The following SMAP1 variants were observed in gnomAD, a reference collection of about 807,000 sequenced individuals.
SMAP1 encodes the protein stromal membrane-associated protein 1.
Under a neutral mutation model 58.5 loss-of-function variants are expected in SMAP1, and 24 were observed. The ratio of observed to expected loss-of-function variants is 0.41; its 90% CI spans 0.30 to 0.58. The LOEUF is 0.58. Among genes scored for constraint, SMAP1 ranks in the 20% least tolerant of loss-of-function variants. SMAP1 has a pLI of 0.29. For missense variants in SMAP1, 563 were observed against 566.3 expected (o/e 0.99, Z 0.06); for synonymous variants, 216 against 196.6 (o/e 1.10, Z -0.82).
At chr6:70,734,293 G>T (rs779694050) in intron 2 of SMAP1, among the ~76,000 whole-genome samples, 1 of 151,988 alleles carries the variant, frequency 6.6e-6, no homozygotes, top group Non-Finnish European at 1.5e-5. Flanking sequence ...TTACAGGTGC[G>T]TGCCACCATG....
intron 1 of SMAP1, among the ~76,000 whole-genome samples, chr6:70,728,683 G>A (rs1562118727): frequency 6.6e-6 from 1 of 152,210 alleles, no homozygotes; most frequent in Non-Finnish European, 1.5e-5. Flanking sequence ...TGTGTCACAT[G>A]CTGTTATGAG....
At chr6:70,755,377 T>C (rs1271745166) in intron 3 of SMAP1, among the ~76,000 whole-genome samples, 1 of 152,002 alleles carries the variant, frequency 6.6e-6, no homozygotes, top group Admixed American at 6.6e-5. Flanking sequence ...GCAGTATGCG[T>C]TTGGTAGAAA....
chr6:70,732,090 C>A (rs1328863696), intron 1 of SMAP1, among the ~76,000 whole-genome samples: 1 of 152,000 alleles, frequency 6.6e-6, no homozygotes, highest in Admixed American at 6.6e-5. Context: ...ATTCCTGATT[C>A]AAATATGCTA....
chr6:70,812,275 G>A (rs1769425059), intron 6 of SMAP1, among the ~76,000 whole-genome samples: 1 of 152,176 alleles, frequency 6.6e-6, no homozygotes, highest in African/African-American at 2.4e-5. Flanking sequence ...ATACACGATC[G>A]AGTGAATCAG....
chr6:70,722,593 C>T (rs1005377788), intron 1 of SMAP1, among the ~76,000 whole-genome samples: 1 of 152,228 alleles, frequency 6.6e-6, no homozygotes, highest in African/African-American at 2.4e-5. Context: ...TCAGGGGACT[C>T]ACAGCCTTCA....
At position 70,759,823 on chromosome 6, in the gene SMAP1, C is replaced by T. The variant is rs747851021; in HGVS notation, c.338+4758C>T. 82 of 433,596 alleles carry T rather than the reference C, an allele frequency of 1.9e-4. 4 individuals are homozygous for T. Among genetic ancestry groups the T allele is most frequent in the South Asian group, 1.2e-3 (75 of 60,168 alleles). 26.9% of individuals were successfully genotyped at this position (433,596 alleles called of 1,614,324 possible). On this transcript the variant is annotated intron_variant, in intron 3 of 10. Coordinates refer to ENST00000370455, the MANE Select transcript of SMAP1 (RefSeq NM_001044305.3). ...ATATTGGTAAATCCTTGACGTTCGACACAGTGAAGATATAATACTGGAAAC... is the reference window on the plus strand; with the variant it reads ...ATATTGGTAAATCCTTGACGTTCGATACAGTGAAGATATAATACTGGAAAC...
At chr6:70,732,610 T>C in intron 2 of SMAP1, 99 bp downstream of exon 2, 1 of 1,110,658 alleles carries the variant, frequency 9.0e-7, no homozygotes. Context: ...AAAAGTAGTT[T>C]TGTATGTTGA....
At chr6:70,807,106 T>A (rs1283475759) in intron 6 of SMAP1, among the ~76,000 whole-genome samples, 2 of 152,248 alleles carry the variant, frequency 1.3e-5, no homozygotes, top group African/African-American at 4.8e-5. Flanking sequence ...CTATGCTAAC[T>A]AGGGAATTAA....
chr6:70,721,891 A>C (rs992687510), intron 1 of SMAP1, among the ~76,000 whole-genome samples: 1 of 152,160 alleles, frequency 6.6e-6, no homozygotes, highest in South Asian at 2.1e-4. Context: ...CCCATGATTC[A>C]ATTACCTTGC....
intron 3 of SMAP1, among the ~76,000 whole-genome samples, chr6:70,766,940 G>C (rs1276090837): frequency 1.3e-5 from 2 of 152,048 alleles, no homozygotes; most frequent in Admixed American, 1.3e-4. Flanking sequence ...GTAAGGAAGG[G>C]ATCCAGTTTC....
intron 3 of SMAP1, among the ~76,000 whole-genome samples, chr6:70,770,479 C>T (rs1582150095): frequency 6.6e-6 from 1 of 152,176 alleles, no homozygotes; most frequent in African/African-American, 2.4e-5. Context: ...AACTTCCCTT[C>T]TCGCTTCATT....
intron 1 of SMAP1, among the ~76,000 whole-genome samples, chr6:70,677,432 CTTTTTT>C (rs58133069): frequency 9.9e-5 from 6 of 60,422 alleles, no homozygotes; most frequent in African/African-American, 4.7e-4. Flanking sequence ...CTTGTCACTT[CTTTTTT>C]TTTTTTTTTT....
intron 1 of SMAP1, among the ~76,000 whole-genome samples, chr6:70,681,094 C>T (rs1028725864): frequency 7.1e-6 from 1 of 141,770 alleles, no homozygotes; most frequent in South Asian, 2.3e-4. Context: ...TGCTAAGGAT[C>T]GGGATGAGGG....
intron 4 of SMAP1, among the ~76,000 whole-genome samples, chr6:70,785,722 G>A (rs10806638): frequency 0.43 from 65,994 of 151,966 alleles, 14,692 homozygotes; most frequent in South Asian, 0.5. Context: ...TAAATTCCTC[G>A]ACACATACAC....
chr6:70,773,430 G>A lies in SMAP1; in HGVS notation c.414+5G>A. On this transcript the variant is annotated splice_donor_5th_base_variant and intron_variant, in intron 4 of 10. Coordinates refer to ENST00000370455, the MANE Select transcript of SMAP1 (RefSeq NM_001044305.3). ...AATGCCATAGCTATTACAAATGTAA[G>A]TAAAACCTTCATCTCTCATCAATTG... 6.7e-7 allele frequency: 1 copy of A among 1,499,758 alleles called. No individual in the cohort carries two copies. The highest frequency in any genetic ancestry group is 9.2e-7 in the Non-Finnish European group (1 of 1,090,250). 92.9% of individuals were successfully genotyped at this position (1,499,758 alleles called of 1,614,324 possible). A position where few individuals can be genotyped will look rare whatever the true frequency, so the allele number is the denominator to read the frequency against.
At chr6:70,851,869 A>G (rs962632085) in intron 7 of SMAP1, among the ~76,000 whole-genome samples, 1 of 152,198 alleles carries the variant, frequency 6.6e-6, no homozygotes, top group Non-Finnish European at 1.5e-5. Flanking sequence ...CTGTGCTGGA[A>G]TAAATAAAGG....
At chr6:70,694,380 T>C (rs1767312560) in intron 1 of SMAP1, 1 of 156,870 alleles carries the variant, frequency 6.4e-6, no homozygotes, top group Admixed American at 6.5e-5. Flanking sequence ...GTCTGCTCAT[T>C]TACACAGTGA....
Position 70,787,031 on chromosome 6 carries a change from G to A in SMAP1, c.415-4658G>A, listed in dbSNP as rs530970934. On this transcript the variant is annotated intron_variant, in intron 4 of 10. Transcript: ENST00000370455. The stretch of plus-strand genomic sequence containing the variant: ...AAAAGAACAAAGCTGGAGGCATCAC[G>A]CTACCTGACTTCAAACTATACTACA... Among the ~76,000 whole-genome samples, 649 of 152,170 alleles carry A rather than the reference G, an allele frequency of 4.3e-3. 2 individuals are homozygous for A. The highest frequency in any genetic ancestry group is 4.8e-3 in the Non-Finnish European group (325 of 68,004).
chr6:70,675,654 AAAAAAAAAAAAAG>A (rs1418632149), intron 1 of SMAP1, among the ~76,000 whole-genome samples: 5 of 151,442 alleles, frequency 3.3e-5, no homozygotes, highest in African/African-American at 4.8e-5. Context: ...CCATCTCAAA[AAAAAAAAAAAAAG>A]AAAAAAACAA....
Sources: gnomAD v4.1 joint callset for allele counts (sites outside exome capture counted in the v4.1 genomes callset) on GRCh38, gnomAD v4.1.1 for gene constraint, MANE v1.5 for transcripts, NCBI Gene and HGNC (gene_info 2026-07-23, HGNC 2026-07-21) for gene names.